PRUNE2: variants seen among roughly 807,000 people sequenced by gnomAD.
PRUNE2 encodes the protein protein prune homolog 2.
Under a neutral mutation model 252.0 loss-of-function variants are expected in PRUNE2, and 164 were observed. The ratio of observed to expected loss-of-function variants is 0.65; its 90% confidence interval spans 0.57 to 0.74. The LOEUF is 0.74. Among genes scored for constraint, PRUNE2 ranks in the 30% least tolerant of loss-of-function variants. PRUNE2 has a pLI of 0.00. For missense variants in PRUNE2, 3,495 were observed against 3,711.0 expected, an observed-to-expected ratio of 0.94 and a Z score of 1.51; for synonymous variants, 1,292 against 1,350.2, an observed-to-expected ratio of 0.96 and a Z score of 0.94.
chr9:76,854,998 G>A (rs1307068852), intron 1 of PRUNE2, among the ~76,000 whole-genome samples: 3 of 148,518 alleles, frequency 2.0e-5, no homozygotes, highest in Admixed American at 6.7e-5. Context: ...CCCAGGAGGC[G>A]GAGGTTGCAG....
chr9:76,747,907 C>A (rs955111076), intron 6 of PRUNE2, among the ~76,000 whole-genome samples: 1 of 151,916 alleles, frequency 6.6e-6, no homozygotes, highest in Non-Finnish European at 1.5e-5. Flanking sequence ...GCAATTCTCC[C>A]GCCTCAGCCT....
rs1332074252 is a variant in PRUNE2 at position 76,731,324 on chromosome 9, A to ATAT, written c.757-17604_757-17603insATA. On this transcript the variant is annotated intron_variant, in intron 6 of 18. Coordinates refer to ENST00000376718, the MANE Select transcript of PRUNE2 (RefSeq NM_015225.3). Reference sequence around the variant, plus strand: ...TATCTATCTATCTATATATATATATATTTTTTTTTTTTTTTTGAGACAGGG... The same window carrying ATAT: ...TATCTATCTATCTATATATATATATATATTTTTTTTTTTTTTTTTGAGACAGGG... 2.1e-3 allele frequency among the ~76,000 whole-genome samples: 228 copies of ATAT among 106,766 alleles called. 1 individual carries two copies. The highest frequency in any genetic ancestry group is 4.3e-3 in the African/African-American group (125 of 28,974). The allele number at this position is 106,766 out of a possible 152,430, so 70.0% of individuals were successfully genotyped here. A position where few individuals can be genotyped will look rare whatever the true frequency, so the allele number is the denominator to read the frequency against.
chr9:76,870,054 T>G (rs1458245579), intron 1 of PRUNE2, among the ~76,000 whole-genome samples: 1 of 152,206 alleles, frequency 6.6e-6, no homozygotes, highest in African/African-American at 2.4e-5. Context: ...GCTGTTATAG[T>G]AGAAGAATAT....
rs762400724 is a variant in PRUNE2 at position 76,748,025 on chromosome 9, C to T, written c.757-34304G>A. Among the ~76,000 whole-genome samples, 7 of 152,032 alleles carry T rather than the reference C, an allele frequency of 4.6e-5. No individual in the cohort carries two copies. In the South Asian group the frequency reaches 8.3e-4, roughly 18 times the overall value. On this transcript the variant is annotated intron_variant, in intron 6 of 18. Transcript: ENST00000376718. Reference sequence around the variant, plus strand: ...CTTGGCCAGGCTGGTTTCAAACTCCCGACCTCATGATCCACCCATCTCGGC... The same window carrying T: ...CTTGGCCAGGCTGGTTTCAAACTCCTGACCTCATGATCCACCCATCTCGGC...
intron 12 of PRUNE2, among the ~76,000 whole-genome samples, chr9:76,644,109 C>T (rs1370085464): frequency 6.6e-6 from 1 of 152,158 alleles, no homozygotes; most frequent in Non-Finnish European, 1.5e-5. Context: ...ATCAAGGCCA[C>T]ATATGCTCCA....
intron 9 of PRUNE2, among the ~76,000 whole-genome samples, chr9:76,666,806 G>A (rs1563970442): frequency 2.6e-5 from 4 of 152,104 alleles, no homozygotes; most frequent in Admixed American, 6.5e-5. Context: ...CCGCACACAG[G>A]GAGAAAAACC....
At chr9:76,775,851 T>C (rs750580997) in intron 6 of PRUNE2, among the ~76,000 whole-genome samples, 4 of 152,194 alleles carry the variant, frequency 2.6e-5, no homozygotes, top group Non-Finnish European at 5.9e-5. Flanking sequence ...TTCTCTAGCC[T>C]TTAGCTCGGA....
intron 6 of PRUNE2, among the ~76,000 whole-genome samples, chr9:76,744,726 TCGTCC>T (rs2049953112): frequency 6.6e-6 from 1 of 152,192 alleles, no homozygotes; most frequent in Non-Finnish European, 1.5e-5. Context: ...GTTTGTTTAA[TCGTCC>T]TTGAGAAAGA....
chr9:76,628,847 C>T (rs1483223089), intron 16 of PRUNE2, among the ~76,000 whole-genome samples: 1 of 144,734 alleles, frequency 6.9e-6, no homozygotes, highest in Admixed American at 6.8e-5. Flanking sequence ...TCTCCAAACA[C>T]ACACTTTTTT....
chr9:76,715,956 C>T (rs1263076942), intron 6 of PRUNE2, among the ~76,000 whole-genome samples: 1 of 152,022 alleles, frequency 6.6e-6, no homozygotes, highest in Non-Finnish European at 1.5e-5. Flanking sequence ...CACAATAAGC[C>T]TTACAGTTTT....
rs1589670650 is a variant in PRUNE2, at chr9:76,867,258, T to A, written c.37-13050A>T. Among the ~76,000 whole-genome samples the A allele has an allele frequency of 1.3e-5, 2 of 151,424 alleles. 1 individual carries two copies. The highest frequency in any genetic ancestry group is 4.2e-4 in the South Asian group (2 of 4,746). ...ATGCTGTTCATGGCTTTCTTTTTTA[T>A]CTTTTATCTTATGCGGAGAGGGTAG... On this transcript the variant is annotated intron_variant, in intron 1 of 18. Transcript: ENST00000376718.
chr9:76,730,845 G>A (rs573373976), intron 6 of PRUNE2, among the ~76,000 whole-genome samples: 51 of 152,318 alleles, frequency 3.3e-4, no homozygotes, highest in Non-Finnish European at 5.7e-4. Context: ...AGATGTTGCA[G>A]TGAGCTGTGA....
chr9:76,893,837 A>T (rs2062642088), intron 1 of PRUNE2, among the ~76,000 whole-genome samples: 1 of 152,168 alleles, frequency 6.6e-6, no homozygotes, highest in Admixed American at 6.5e-5. Context: ...TGGAGACTGG[A>T]GCCAAGAGTA....
chr9:76,720,223 A>G (rs889732443), intron 6 of PRUNE2, among the ~76,000 whole-genome samples: 8 of 152,236 alleles, frequency 5.3e-5, no homozygotes, highest in Admixed American at 4.6e-4. Context: ...GTAGAATGTC[A>G]TTTCTAGACG....
intron 1 of PRUNE2, among the ~76,000 whole-genome samples, chr9:76,865,849 C>CACT (rs2060811788): frequency 8.1e-6 from 1 of 122,896 alleles, no homozygotes. Flanking sequence ...ACACACACAC[C>CACT]AGAGCATTAT....
chr9:76,646,501 C>A (rs970185114), intron 11 of PRUNE2, among the ~76,000 whole-genome samples: 10 of 152,196 alleles, frequency 6.6e-5, no homozygotes, highest in African/African-American at 1.9e-4. Flanking sequence ...CACCAGCATG[C>A]GGCAGCTTAT....
chr9:76,776,947 A>ACAC (rs1564280253), intron 6 of PRUNE2, among the ~76,000 whole-genome samples: 14 of 108,426 alleles, frequency 1.3e-4, no homozygotes, highest in Non-Finnish European at 2.7e-4. Context: ...CACACACACA[A>ACAC]AGGGCCTGGA....
In PRUNE2 at chr9:76,906,045, G is replaced by C. The variant is rs545968344; in HGVS notation, c.-82C>G. On this transcript the variant is annotated 5_prime_UTR_variant, in exon 1 of 19. Transcript: ENST00000376718. ...GCCCAAGGAAGACGAGCGGGGTCCC[G>C]GGAAAGTGGCCCGCCGGGGCGCAGC... The C allele has an allele frequency of 1.3e-6, 2 of 1,488,194 alleles. No individual in the cohort carries two copies. The highest frequency in any genetic ancestry group is 2.3e-5 in the South Asian group (2 of 88,446). 92.2% of individuals were successfully genotyped at this position (1,488,194 alleles called of 1,614,324 possible).
chr9:76,656,032 C>T (rs1158922350), intron 9 of PRUNE2, among the ~76,000 whole-genome samples: 1 of 152,168 alleles, frequency 6.6e-6, no homozygotes, highest in Admixed American at 6.5e-5. Context: ...CCTGAGCAGG[C>T]ATAGACTGAT....
Sources: allele counts gnomAD v4.1 joint callset (sites outside exome capture counted in the v4.1 genomes callset), GRCh38; gene constraint gnomAD v4.1.1; transcripts MANE v1.5; gene names NCBI Gene and HGNC (gene_info 2026-07-23, HGNC 2026-07-21).